The following MAN1B1 variants were observed in gnomAD, a reference collection of about 807,000 sequenced individuals.
MAN1B1 encodes mannosidase alpha class 1B member 1, also known as endoplasmic reticulum mannosyl-oligosaccharide 1,2-alpha-mannosidase.
MAN1B1 carries 66 observed loss-of-function variants against 75.5 expected under a neutral mutation model. That is an observed-to-expected ratio of 0.87 (90% CI 0.72 to 1.07). MAN1B1 has a LOEUF of 1.07. Among genes scored for constraint, MAN1B1 ranks in the 50% least tolerant of loss-of-function variants. The pLI, the probability that MAN1B1 is intolerant of heterozygous loss-of-function variation, is 0.00. For missense variants in MAN1B1, 973 were observed against 912.5 expected, an observed-to-expected ratio of 1.07 and a Z score of -0.85; for synonymous variants, 453 against 382.8, an observed-to-expected ratio of 1.18 and a Z score of -2.14.
intron 1 of MAN1B1, 46 bp downstream of exon 1, chr9:137,087,264 G>C: frequency 6.5e-7 from 1 of 1,537,684 alleles, no homozygotes; most frequent in Non-Finnish European, 8.8e-7. Context: ...TGCCGTGCCC[G>C]CCGCCCTCCC....
intron 8 of MAN1B1, chr9:137,103,219 G>A (rs1358288294): frequency 2.4e-6 from 1 of 413,326 alleles, no homozygotes; most frequent in African/African-American, 2.7e-5. Context: ...GGTCGGTGGT[G>A]TTACACACAT....
At chr9:137,106,659 G>C (rs202008733) in intron 9 of MAN1B1, 30 bp from the exon 10 acceptor site, 1 of 1,612,978 alleles carries the variant, frequency 6.2e-7, no homozygotes, top group Non-Finnish European at 8.5e-7. Context: ...CACCGTCCTG[G>C]TAGAGTGAGA....
In MAN1B1 at chr9:137,101,459, G is replaced by A. The variant is rs754161173; in HGVS notation, c.1066-25G>A. 4.4e-6 allele frequency: 7 copies of A among 1,607,952 alleles called. No homozygotes were observed. In the African/African-American group the frequency reaches 9.5e-5, roughly 22 times the overall value. On this transcript the variant is annotated intron_variant, in intron 7 of 12. Coordinates refer to ENST00000371589, the MANE Select transcript of MAN1B1 (RefSeq NM_016219.5). ...AGGCCTCTGGGTGACCTGAACGTTG[G>A]TTCTCTACTCTGCTCATATACCAGG...
chr9:137,092,466 C>G (rs1174412568), intron 3 of MAN1B1, among the ~76,000 whole-genome samples: 1 of 149,654 alleles, frequency 6.7e-6, no homozygotes, highest in African/African-American at 2.5e-5. Flanking sequence ...GGATTGGTCC[C>G]TGTTTCTTTT....
chr9:137,094,175 C>T (rs917090495), intron 3 of MAN1B1, among the ~76,000 whole-genome samples: 2 of 151,620 alleles, frequency 1.3e-5, no homozygotes, highest in African/African-American at 4.8e-5. Flanking sequence ...CCACCACGCC[C>T]GGCTAACTTT....
chr9:137,101,269 A>G, intron 7 of MAN1B1, 116 bp downstream of exon 7: 2 of 1,387,782 alleles, frequency 1.4e-6, no homozygotes, highest in Middle Eastern at 2.5e-4. Context: ...AATGCACTGG[A>G]GTCTGTTTCT....
At chr9:137,106,392 C>G (rs1831107378) in intron 9 of MAN1B1, 77 bp downstream of exon 9, 1 of 1,330,982 alleles carries the variant, frequency 7.5e-7, no homozygotes, top group African/African-American at 1.5e-5. Flanking sequence ...GCCCCCAGCT[C>G]CCACGGCCCC....
intron 3 of MAN1B1, among the ~76,000 whole-genome samples, chr9:137,093,789 G>A (rs978540915): frequency 9.9e-5 from 15 of 151,834 alleles, no homozygotes; most frequent in Non-Finnish European, 2.2e-4. Context: ...AGCCGAGATC[G>A]CGCCACTGCA....
intron 8 of MAN1B1, chr9:137,102,420 T>G: frequency 4.6e-6 from 2 of 430,970 alleles, no homozygotes; most frequent in Non-Finnish European, 4.6e-6. Context: ...GGCGTGCAGG[T>G]TGGTGGTGTT....
rs200428790 is a variant in MAN1B1, at chr9:137,108,482, C to T, written c.1991C>T (p.Thr664Met). 1.3e-4 allele frequency: 208 copies of T among 1,613,878 alleles called. No homozygotes were observed. The Admixed American group carries it at 2.3e-3, about 18-fold the overall frequency. ...DKMESFFLGE[T>M]LKYLFLLFSD... is the part of the protein sequence containing the mutation. Reference sequence around the variant, plus strand: ...ATGGAGAGCTTCTTCCTGGGGGAGACGCTCAAGTATCTGTTCTTGCTCTTC... The same window carrying T: ...ATGGAGAGCTTCTTCCTGGGGGAGATGCTCAAGTATCTGTTCTTGCTCTTC... The change falls in exon 13 of 13, where the codon ACG becomes ATG. Residue 664 changes from threonine to methionine, a missense_variant. Thr to Met is a moderately conservative substitution (Grantham distance 81). Transcript: ENST00000371589.
intron 2 of MAN1B1, chr9:137,088,392 C>G (rs759383974): frequency 1.3e-6 from 2 of 1,579,636 alleles, no homozygotes; most frequent in South Asian, 1.1e-5. Flanking sequence ...CTTTCTAGGT[C>G]TCTGGTGTAA....
rs1831131135 is a variant in MAN1B1 at position 137,106,927 on chromosome 9, G to A, written c.1566+118G>A. On this transcript the variant is annotated intron_variant, in intron 10 of 12. Transcript: ENST00000371589. The stretch of plus-strand genomic sequence containing the variant: ...GCCATGGCGCCCACGTGGAGGCCCT[G>A]GGTGGACCGTGGCTGCCTGGCCAGG... The A allele has an allele frequency of 2.8e-6, 4 of 1,416,030 alleles. No individual in the cohort carries two copies. In the Admixed American group the frequency reaches 6.2e-5, roughly 22 times the overall value. 87.7% of individuals were successfully genotyped at this position (1,416,030 alleles called of 1,614,324 possible).
Position 137,096,270 on chromosome 9 carries a change from CA to C in MAN1B1, c.500del (p.His167ProfsTer11). 1.2e-6 allele frequency: 2 copies of C among 1,614,154 alleles called. No individual in the cohort carries two copies. Among genetic ancestry groups the C allele is most frequent in the Non-Finnish European group, 1.7e-6 (2 of 1,180,046 alleles). ...TQRHIQRGPP[H>X]LQIRPPSQDL... ...AAGACACATCCAGCGGGGACCACCTCACCTGCAGATTAGACCCCCAAGCCAA... is the reference window on the plus strand; with the variant it reads ...AAGACACATCCAGCGGGGACCACCTCCCTGCAGATTAGACCCCCAAGCCAA... On this transcript the variant is annotated frameshift_variant, in exon 4 of 13. Transcript: ENST00000371589. LOFTEE classifies it high-confidence loss of function.
At chr9:137,089,456 C>T (rs1830464006) in intron 3 of MAN1B1, among the ~76,000 whole-genome samples, 1 of 152,134 alleles carries the variant, frequency 6.6e-6, no homozygotes, top group South Asian at 2.1e-4. Flanking sequence ...TGGCACCGGG[C>T]AAGGTGGGGA....
chr9:137,097,571 T>C (rs1043066871), intron 4 of MAN1B1, among the ~76,000 whole-genome samples: 8 of 152,108 alleles, frequency 5.3e-5, no homozygotes, highest in African/African-American at 1.9e-4. Context: ...CAGAGGGATT[T>C]CTCACGATTC....
chr9:137,105,708 C>T (rs759688238), intron 8 of MAN1B1: 13 of 355,804 alleles, frequency 3.7e-5, no homozygotes, highest in East Asian at 1.6e-4. Context: ...GGAGCCGAGG[C>T]GTTTAATATC....
chr9:137,108,188 C>T, intron 12 of MAN1B1, 200 bp from the exon 13 acceptor site: 5 of 629,892 alleles, frequency 7.9e-6, no homozygotes, highest in Admixed American at 5.2e-5. Flanking sequence ...GTCGTGGTCA[C>T]TTGAGGGTTG....
intron 8 of MAN1B1, chr9:137,104,678 C>T (rs924028755): frequency 1.5e-4 from 24 of 164,856 alleles, no homozygotes; most frequent in Admixed American, 5.6e-5. Flanking sequence ...TGGTGGACAC[C>T]AGGACTGTGC....
At chr9:137,098,846 A>G (rs1468589423) in intron 5 of MAN1B1, among the ~76,000 whole-genome samples, 2 of 152,088 alleles carry the variant, frequency 1.3e-5, no homozygotes, top group African/African-American at 2.4e-5. Context: ...TCTCTACAAA[A>G]AAAAAAGAAA....
Sources: gnomAD v4.1 joint callset for allele counts (sites outside exome capture counted in the v4.1 genomes callset) on GRCh38, gnomAD v4.1.1 for gene constraint, MANE v1.5 for transcripts, NCBI Gene and HGNC (gene_info 2026-07-23, HGNC 2026-07-21) for gene names.